The following CCDC170 variants were observed in gnomAD, a reference collection of about 807,000 sequenced individuals.
CCDC170 encodes the protein coiled-coil domain-containing protein 170.
CCDC170 carries 69 observed loss-of-function variants against 72.6 expected under a neutral mutation model. The observed-to-expected ratio is 0.95, with a 90% confidence interval of 0.78 to 1.16. The LOEUF (loss-of-function observed/expected upper bound fraction) is 1.16. CCDC170 is among the 50% of genes most tolerant of loss of function. The pLI, the probability that CCDC170 is intolerant of heterozygous loss-of-function variation, is 0.00. For synonymous variants in CCDC170, 300 were observed against 303.9 expected (o/e 0.99, Z 0.13); for missense variants, 852 against 832.5 (o/e 1.02, Z -0.29).
At chr6:151,605,739 G>A (rs1383235906) in intron 9 of CCDC170, among the ~76,000 whole-genome samples, 3 of 152,022 alleles carry the variant, frequency 2.0e-5, no homozygotes, top group Non-Finnish European at 4.4e-5. Flanking sequence ...CTTACTCTCT[G>A]TTTAGAGTTT....
At chr6:151,610,361 T>C (rs1399377358) in intron 9 of CCDC170, among the ~76,000 whole-genome samples, 3 of 152,182 alleles carry the variant, frequency 2.0e-5, no homozygotes, top group African/African-American at 7.2e-5. Context: ...TTTAATTGTT[T>C]TGAAAAATGT....
chr6:151,568,775 T>C (rs966028100), intron 5 of CCDC170, among the ~76,000 whole-genome samples: 2 of 152,248 alleles, frequency 1.3e-5, no homozygotes, highest in Non-Finnish European at 2.9e-5. Flanking sequence ...CCCCATTTCA[T>C]TTCAAGACTA....
chr6:151,539,260 CAA>C (rs11412896), intron 3 of CCDC170, among the ~76,000 whole-genome samples: 3 of 148,118 alleles, frequency 2.0e-5, no homozygotes, highest in Admixed American at 6.7e-5. Context: ...GACTCTGTCT[CAA>C]AAAAAAAAAA....
chr6:151,548,976 C>T (rs1782829760), intron 5 of CCDC170, among the ~76,000 whole-genome samples: 1 of 152,070 alleles, frequency 6.6e-6, no homozygotes, highest in South Asian at 2.1e-4. Context: ...TCTTGGCTTG[C>T]TGAAGCTCCG....
At chr6:151,601,507 G>A (rs1486113578) in intron 9 of CCDC170, among the ~76,000 whole-genome samples, 1 of 151,826 alleles carries the variant, frequency 6.6e-6, no homozygotes, top group Non-Finnish European at 1.5e-5. Context: ...GTGTTCTCCA[G>A]AAAAACAGTG....
At chr6:151,547,036 G>A (rs1190402788) in intron 4 of CCDC170, among the ~76,000 whole-genome samples, 2 of 151,408 alleles carry the variant, frequency 1.3e-5, no homozygotes, top group African/African-American at 2.4e-5. Context: ...GAAGTCTGCT[G>A]TCTTGACCAA....
At chr6:151,500,511 AT>A (rs1388309446) in intron 1 of CCDC170, among the ~76,000 whole-genome samples, 1 of 152,078 alleles carries the variant, frequency 6.6e-6, no homozygotes, top group African/African-American at 2.4e-5. Flanking sequence ...CATTAAAAAA[AT>A]CTAAATATAT....
Position 151,512,015 on chromosome 6 carries a change from T to C in CCDC170, c.57+17830T>C, listed in dbSNP as rs1003188017. Among the ~76,000 whole-genome samples, 51 of 152,108 alleles carry C rather than the reference T, an allele frequency of 3.4e-4. 1 individual carries two copies. The highest frequency in any genetic ancestry group is 1.2e-3 in the African/African-American group (49 of 41,484). ...GGACACTACCATGCCTGGCTAATTTTTTAATTTTTGTAGAGACAGGGGTCT... is the reference window on the plus strand; with the variant it reads ...GGACACTACCATGCCTGGCTAATTTCTTAATTTTTGTAGAGACAGGGGTCT... On this transcript the variant is annotated intron_variant, in intron 1 of 10. Coordinates refer to ENST00000239374, the MANE Select transcript of CCDC170 (RefSeq NM_025059.4).
chr6:151,553,918 T>G (rs1248069318), intron 5 of CCDC170, among the ~76,000 whole-genome samples: 1 of 152,202 alleles, frequency 6.6e-6, no homozygotes, highest in Non-Finnish European at 1.5e-5. Flanking sequence ...GTAGGAAACT[T>G]ACTTTATTAG....
chr6:151,614,485 C>G (rs564476327), intron 9 of CCDC170, among the ~76,000 whole-genome samples: 3 of 151,932 alleles, frequency 2.0e-5, no homozygotes, highest in African/African-American at 7.3e-5. Flanking sequence ...GACTGAGTCT[C>G]GCTCTGTTGC....
chr6:151,617,893 A>G, intron 10 of CCDC170, 54 bp from the exon 11 acceptor site: 1 of 1,553,604 alleles, frequency 6.4e-7, no homozygotes, highest in Non-Finnish European at 8.8e-7. Flanking sequence ...TTGGCTCAGC[A>G]GTAGTTGATA....
chr6:151,535,920 A>T (rs924139687), intron 1 of CCDC170, among the ~76,000 whole-genome samples: 14 of 152,142 alleles, frequency 9.2e-5, no homozygotes, highest in African/African-American at 2.9e-4. Flanking sequence ...AATTAAAAAA[A>T]ATTTTTTTTC....
At chr6:151,514,249 C>T (rs144092631) in intron 1 of CCDC170, among the ~76,000 whole-genome samples, 2,180 of 150,520 alleles carry the variant, frequency 0.014, 52 homozygotes, top group African/African-American at 0.051. Flanking sequence ...TGCAGTGAGC[C>T]GTGATCATGC....
intron 7 of CCDC170, among the ~76,000 whole-genome samples, chr6:151,589,380 A>G (rs1466622662): frequency 1.3e-5 from 2 of 152,224 alleles, no homozygotes; most frequent in African/African-American, 2.4e-5. Context: ...CTTCACCTGC[A>G]TGGTCCGTGA....
chr6:151,548,527 T>C lies in CCDC170; in HGVS notation c.774+38T>C, dbSNP rs1433260117. The C allele has an allele frequency of 2.8e-6, 4 of 1,441,914 alleles. No individual in the cohort carries two copies. In the East Asian group the frequency reaches 6.9e-5, roughly 25 times the overall value. The allele number at this position is 1,441,914 out of a possible 1,614,324, so 89.3% of individuals were successfully genotyped here. On this transcript the variant is annotated intron_variant, in intron 5 of 10. Transcript: ENST00000239374. Reference sequence around the variant, plus strand: ...AAGTATACGTGTGCATCTGGGACCATGTTGAAGAAGCAGAAATGGAAGAGA... The same window carrying C: ...AAGTATACGTGTGCATCTGGGACCACGTTGAAGAAGCAGAAATGGAAGAGA...
At chr6:151,589,494 A>G (rs1229987177) in intron 7 of CCDC170, among the ~76,000 whole-genome samples, 1 of 152,006 alleles carries the variant, frequency 6.6e-6, no homozygotes, top group African/African-American at 2.4e-5. Flanking sequence ...GCCATCTTCA[A>G]CACTTCCCTC....
intron 6 of CCDC170, among the ~76,000 whole-genome samples, chr6:151,579,351 T>G (rs1776349498): frequency 6.6e-6 from 1 of 152,316 alleles, no homozygotes; most frequent in South Asian, 2.1e-4. Context: ...TTGAATTAAT[T>G]TATCTAAATT....
intron 1 of CCDC170, among the ~76,000 whole-genome samples, chr6:151,530,524 C>A (rs1320353343): frequency 6.6e-6 from 1 of 151,692 alleles, no homozygotes; most frequent in East Asian, 1.9e-4. Flanking sequence ...TCACTGCAAC[C>A]TCTGCCTCCT....
intron 1 of CCDC170, among the ~76,000 whole-genome samples, chr6:151,533,667 C>CA (rs11347240): frequency 1.6e-4 from 22 of 141,444 alleles, no homozygotes; most frequent in Non-Finnish European, 2.3e-4. Flanking sequence ...AACTCCATCT[C>CA]AAAAAAAAAA....
Sources: gnomAD v4.1 joint callset for allele counts (sites outside exome capture counted in the v4.1 genomes callset) on GRCh38, gnomAD v4.1.1 for gene constraint, MANE v1.5 for transcripts, NCBI Gene and HGNC (gene_info 2026-07-23, HGNC 2026-07-21) for gene names.